The following ARMC9 variants were observed in gnomAD, a reference collection of about 807,000 sequenced individuals.
ARMC9 encodes lisH domain-containing protein ARMC9.
ARMC9 carries 94 observed loss-of-function variants against 107.0 expected under a neutral mutation model. The observed-to-expected ratio is 0.88, with a 90% CI of 0.74 to 1.04. ARMC9 has a LOEUF of 1.04. ARMC9 is among the 50% of genes least tolerant of loss of function. The pLI is 0.00. For missense variants in ARMC9, 942 were observed against 1,030.1 expected, an observed-to-expected ratio of 0.91 and a Z score of 1.17; for synonymous variants, 380 against 396.9, an observed-to-expected ratio of 0.96 and a Z score of 0.51.
At chr2:231,239,886 A>G in intron 8 of ARMC9, 57 bp from the exon 9 acceptor site, 1 of 1,464,768 alleles carries the variant, frequency 6.8e-7, no homozygotes, top group African/African-American at 1.4e-5. Context: ...AGCGTGCCTC[A>G]GGTGTCCCTC....
chr2:231,241,137 G>A (rs1339076407), intron 9 of ARMC9, among the ~76,000 whole-genome samples: 3 of 150,420 alleles, frequency 2.0e-5, no homozygotes, highest in Non-Finnish European at 4.4e-5. Context: ...GGCAGAGGTT[G>A]CAGTGAGCTG....
chr2:231,253,639 G>A (rs2037502215), intron 9 of ARMC9, among the ~76,000 whole-genome samples: 1 of 152,240 alleles, frequency 6.6e-6, no homozygotes. Context: ...TGAAGTGCAG[G>A]TTCTGGTTCA....
intron 19 of ARMC9, among the ~76,000 whole-genome samples, chr2:231,317,191 G>A (rs1167078684): frequency 1.3e-5 from 2 of 149,924 alleles, no homozygotes; most frequent in African/African-American, 4.9e-5. Flanking sequence ...TTTTTTTTGA[G>A]ACGGAGTCTC....
At chr2:231,210,101 C>T (rs2032608897) in intron 3 of ARMC9, among the ~76,000 whole-genome samples, 1 of 152,238 alleles carries the variant, frequency 6.6e-6, no homozygotes, top group Non-Finnish European at 1.5e-5. Flanking sequence ...CTGGTTTTCT[C>T]CTAGTCCTTG....
At chr2:231,343,839 T>G (rs2044661296) in intron 20 of ARMC9, among the ~76,000 whole-genome samples, 1 of 151,378 alleles carries the variant, frequency 6.6e-6, no homozygotes, top group Non-Finnish European at 1.5e-5. Context: ...CTGGGGAGGC[T>G]AAGGCAGGAA....
intron 16 of ARMC9, among the ~76,000 whole-genome samples, chr2:231,280,483 A>G (rs1364295163): frequency 6.6e-6 from 1 of 152,146 alleles, no homozygotes; most frequent in East Asian, 1.9e-4. Context: ...TAAAGTAAGA[A>G]AAAGAAAATG....
At chr2:231,342,195 C>T (rs1402802260) in intron 20 of ARMC9, among the ~76,000 whole-genome samples, 1 of 152,222 alleles carries the variant, frequency 6.6e-6, no homozygotes, top group African/African-American at 2.4e-5. Flanking sequence ...CTGCCAGGCC[C>T]TGCACACTGA....
intron 9 of ARMC9, among the ~76,000 whole-genome samples, chr2:231,243,966 C>CAG (rs1574763456): frequency 6.6e-6 from 1 of 152,080 alleles, no homozygotes; most frequent in East Asian, 1.9e-4. Context: ...TACTCTAGGG[C>CAG]CCAACAGAAG....
intron 20 of ARMC9, 99 bp from the exon 21 acceptor site, chr2:231,344,876 A>G (rs545169991): frequency 1.8e-6 from 2 of 1,132,216 alleles, no homozygotes; most frequent in East Asian, 2.4e-5. Context: ...AAAGCTTCTT[A>G]TCATTATAGA....
At chr2:231,271,538 C>G (rs1195719821) in intron 13 of ARMC9, among the ~76,000 whole-genome samples, 1 of 152,144 alleles carries the variant, frequency 6.6e-6, no homozygotes, top group Non-Finnish European at 1.5e-5. Context: ...ATAACATGCC[C>G]CCATAACTGA....
intron 19 of ARMC9, among the ~76,000 whole-genome samples, chr2:231,303,698 G>C (rs1399188199): frequency 6.6e-6 from 1 of 152,178 alleles, no homozygotes; most frequent in Non-Finnish European, 1.5e-5. Context: ...AGCATTTTGG[G>C]AGGCTAAGGC....
At chr2:231,288,866 T>C (rs536680775) in intron 17 of ARMC9, 34 of 362,140 alleles carry the variant, frequency 9.4e-5, no homozygotes, top group South Asian at 7.3e-4. Flanking sequence ...CAAATTGTTT[T>C]CTTTAACACT....
intron 17 of ARMC9, 99 bp from the exon 18 acceptor site, chr2:231,291,254 C>G: frequency 1.0e-6 from 1 of 959,154 alleles, no homozygotes; most frequent in Non-Finnish European, 1.6e-6. Context: ...TTCCTCTCCC[C>G]AAAACATTAT....
chr2:231,348,898 G>A (rs141850436), intron 21 of ARMC9, among the ~76,000 whole-genome samples: 53 of 152,274 alleles, frequency 3.5e-4, no homozygotes, highest in African/African-American at 1.2e-3. Context: ...TCTCACCCCC[G>A]TTAAAACGGC....
At chr2:231,233,043 G>T (rs1249839040) in intron 7 of ARMC9, among the ~76,000 whole-genome samples, 1 of 151,678 alleles carries the variant, frequency 6.6e-6, no homozygotes, top group African/African-American at 2.4e-5. Flanking sequence ...TAGAGACGGG[G>T]TTTCACCATG....
intron 11 of ARMC9, 134 bp downstream of exon 11, chr2:231,259,236 G>A (rs578076850): frequency 9.0e-6 from 7 of 780,930 alleles, no homozygotes; most frequent in East Asian, 2.7e-5. Flanking sequence ...CACCAAGAAC[G>A]GAAGTCAAAA....
chr2:231,203,974 C>CA lies in ARMC9; in HGVS notation c.-41-2215dup, dbSNP rs200938747. Among the ~76,000 whole-genome samples, 887 of 149,686 alleles carry CA rather than the reference C, an allele frequency of 5.9e-3. 2 individuals are homozygous for CA. Among genetic ancestry groups the CA allele is most frequent in the Non-Finnish European group, 7.3e-3 (489 of 67,250 alleles). ...AGACTCTGTCTCAAAAACAAACAAA[C>CA]AAAAAAAAACCTCACCAAAAACCAA... On this transcript the variant is annotated intron_variant, in intron 1 of 24. Transcript: ENST00000611582.
At chr2:231,331,685 A>G (rs2043747347) in intron 19 of ARMC9, 108 bp from the exon 20 acceptor site, 1 of 913,176 alleles carries the variant, frequency 1.1e-6, no homozygotes, top group African/African-American at 1.7e-5. Context: ...AGTTGCTGTG[A>G]TTGGCCGAGG....
chr2:231,201,183 T>G (rs1318654639), intron 1 of ARMC9, among the ~76,000 whole-genome samples: 2 of 152,206 alleles, frequency 1.3e-5, no homozygotes, highest in Non-Finnish European at 2.9e-5. Context: ...CCCTTTTGCA[T>G]CTGGCAGGGC....
Sources: gnomAD v4.1 joint callset for allele counts (sites outside exome capture counted in the v4.1 genomes callset) on GRCh38, gnomAD v4.1.1 for gene constraint, MANE v1.5 for transcripts, NCBI Gene and HGNC (gene_info 2026-07-23, HGNC 2026-07-21) for gene names.